SLC35E2B: variants seen among roughly 807,000 people sequenced by gnomAD.
The protein encoded by SLC35E2B is solute carrier family 35 member E2B, also known as solute carrier family 35, member E2B.
In SLC35E2B, 18 loss-of-function variants were observed where a neutral mutation model predicts 32.4. That is an observed-to-expected ratio of 0.56 (90% CI 0.38 to 0.82). The LOEUF (loss-of-function observed/expected upper bound fraction) is 0.82, where lower values mean the gene tolerates loss of function less well. SLC35E2B is among the 40% of genes least tolerant of loss of function. The probability of loss-of-function intolerance (pLI) is 0.00; values close to 1 mark genes in which losing one functional copy is unlikely to be tolerated. For missense variants in SLC35E2B, 263 were observed against 469.5 expected, an observed-to-expected ratio of 0.56 and a Z score of 4.06; for synonymous variants, 132 against 209.1, an observed-to-expected ratio of 0.63 and a Z score of 3.18.
intron 5 of SLC35E2B, among the ~76,000 whole-genome samples, chr1:1,674,902 A>AT (rs1449490389): frequency 1.3e-5 from 2 of 152,118 alleles, no homozygotes; most frequent in Non-Finnish European, 2.9e-5. Flanking sequence ...GCTGGTTTTC[A>AT]TGCAGCCACA....
chr1:1,670,107 T>A lies in SLC35E2B; in HGVS notation c.752A>T (p.Tyr251Phe). Residue 251 changes from tyrosine (Y) to phenylalanine (F), a missense_variant, in exon 7 of 10, where the codon TAC (tyrosine) becomes TTC (phenylalanine). Physicochemically the swap from Tyr to Phe is conservative, Grantham distance 22. Coordinates refer to ENST00000617444, the MANE Select transcript of SLC35E2B (RefSeq NM_001290264.2). ...GACGAATAATACTTACGAGAACCTGTATTTGTCCCCGCTGAGCAGCTTTTT... is the reference window on the plus strand; with the variant it reads ...GACGAATAATACTTACGAGAACCTGAATTTGTCCCCGCTGAGCAGCTTTTT... Reference protein sequence around the residue: ...FSKKLLSGDKYRFSAPELQFY... With the variant: ...FSKKLLSGDKFRFSAPELQFY... The A allele has an allele frequency of 6.4e-7, 1 of 1,551,546 alleles. No homozygotes were observed. The highest frequency in any genetic ancestry group is 1.2e-5 in the South Asian group (1 of 84,028).
chr1:1,673,277 T>C (rs540427924), intron 5 of SLC35E2B: 246 of 473,694 alleles, frequency 5.2e-4, no homozygotes, highest in African/African-American at 4.5e-3. Context: ...TCTTGCCTTC[T>C]TAGATTCTTC....
At chr1:1,686,311 C>CTTTTCTTTTCTT (rs1643949464) in intron 2 of SLC35E2B, among the ~76,000 whole-genome samples, 1 of 123,002 alleles carries the variant, frequency 8.1e-6, no homozygotes. Flanking sequence ...CCTCCCTTTT[C>CTTTTCTTTTCTT]TTTTTTTTTC....
At chr1:1,684,808 A>C (rs1419867653) in intron 2 of SLC35E2B, among the ~76,000 whole-genome samples, 6 of 146,186 alleles carry the variant, frequency 4.1e-5, no homozygotes, top group African/African-American at 1.0e-4. Context: ...AAAAAAAAAA[A>C]AAAAAACAGG....
At chr1:1,689,475 G>C (rs1460929349) in intron 2 of SLC35E2B, among the ~76,000 whole-genome samples, 4 of 151,552 alleles carry the variant, frequency 2.6e-5, no homozygotes, top group African/African-American at 7.3e-5. Flanking sequence ...ACACGGCTTT[G>C]CAGCAGCAGG....
At position 1,680,249 on chromosome 1, in the gene SLC35E2B, C is replaced by T. The variant is rs565346862; in HGVS notation, c.-147-3403G>A. The stretch of plus-strand genomic sequence containing the variant: ...AAGAGAGGTCAAGGCTGCAGTGAGC[C>T]GTGATTGTGCCACTGAACTCCAGCC... On this transcript the variant is annotated intron_variant, in intron 2 of 9. Transcript: ENST00000617444. Among the ~76,000 whole-genome samples, 717 of 151,872 alleles carry T rather than the reference C, an allele frequency of 4.7e-3. 9 individuals are homozygous for T. The highest frequency in any genetic ancestry group is 0.017 in the African/African-American group (692 of 41,338).
intron 2 of SLC35E2B, among the ~76,000 whole-genome samples, chr1:1,689,184 A>G (rs1643991227): frequency 6.6e-6 from 1 of 152,058 alleles, no homozygotes. Context: ...AAAAACAAAC[A>G]AACAGGTCTG....
chr1:1,671,148 C>T (rs4233029), intron 6 of SLC35E2B: 104,041 of 162,464 alleles, frequency 0.64, 33,992 homozygotes, highest in Admixed American at 0.72. Flanking sequence ...GGAGGCCGCG[C>T]AGCTCCCAAA....
chr1:1,690,196 C>G (rs1644001825), intron 2 of SLC35E2B, among the ~76,000 whole-genome samples: 1 of 148,550 alleles, frequency 6.7e-6, no homozygotes. Flanking sequence ...AGGAGAATCA[C>G]TTGAACACGG....
rs1028982381 is a variant in SLC35E2B, at chr1:1,663,287, C to A, written c.*2495G>T. 42 of 981,506 alleles carry A rather than the reference C, an allele frequency of 4.3e-5. 1 individual carries two copies. The highest frequency in any genetic ancestry group is 4.0e-4 in the African/African-American group (23 of 57,146). The allele number at this position is 981,506 out of a possible 1,614,324, so 60.8% of individuals were successfully genotyped here. On this transcript the variant is annotated 3_prime_UTR_variant, in exon 10 of 10. Transcript: ENST00000617444. ...AGGGTGGAGGGGAGGGCACCAGATG[C>A]TGTGCGGCTGGAAATTCCAAGGTGC... is the stretch of plus-strand genomic sequence containing the variant.
At chr1:1,688,512 A>T (rs1643979449) in intron 2 of SLC35E2B, among the ~76,000 whole-genome samples, 1 of 151,658 alleles carries the variant, frequency 6.6e-6, no homozygotes, top group African/African-American at 2.4e-5. Context: ...AGCCAGGAGA[A>T]TCGCTTGAAC....
rs772484685 is a variant in SLC35E2B, at chr1:1,669,766, C to T, written c.762-30G>A. 4.7e-5 allele frequency: 72 copies of T among 1,547,988 alleles called. 1 individual carries two copies. In the South Asian group the frequency reaches 5.5e-4, roughly 12 times the overall value. On this transcript the variant is annotated intron_variant, in intron 7 of 9. Transcript: ENST00000617444. ...GGGTGACAGAACACGCTGGGCCCCC[C>T]GTGTCGGGACAGGCCGAGTTCACAC...
chr1:1,680,857 T>C (rs1438980075), intron 2 of SLC35E2B, among the ~76,000 whole-genome samples: 3 of 151,536 alleles, frequency 2.0e-5, no homozygotes, highest in Admixed American at 6.6e-5. Flanking sequence ...GGCTGGAGTT[T>C]AGTGGCATAA....
At chr1:1,675,016 G>A (rs1165458913) in intron 5 of SLC35E2B, among the ~76,000 whole-genome samples, 3 of 151,892 alleles carry the variant, frequency 2.0e-5, no homozygotes, top group African/African-American at 7.3e-5. Flanking sequence ...CAGGGGCTGG[G>A]GCCCAGGACA....
At chr1:1,673,756 G>T (rs1324035756) in intron 5 of SLC35E2B, among the ~76,000 whole-genome samples, 1 of 152,058 alleles carries the variant, frequency 6.6e-6, no homozygotes, top group Non-Finnish European at 1.5e-5. Flanking sequence ...GAGGTCAGGA[G>T]ATCGAGACCA....
At chr1:1,671,348 G>T (rs4639697) in intron 6 of SLC35E2B, 161 bp downstream of exon 6, 791,329 of 797,650 alleles carry the variant, frequency 0.99, 392,546 homozygotes, top group East Asian at 1. Flanking sequence ...AAACTTACCT[G>T]CCGGGGATAC....
At chr1:1,678,143 C>T (rs540343791) in intron 2 of SLC35E2B, among the ~76,000 whole-genome samples, 33 of 152,294 alleles carry the variant, frequency 2.2e-4, no homozygotes, top group African/African-American at 4.1e-4. Flanking sequence ...TACCCCTCCT[C>T]GTCTCACTTC....
chr1:1,674,640 A>C lies in SLC35E2B; in HGVS notation c.586+823T>G, dbSNP rs549605888. On this transcript the variant is annotated intron_variant, in intron 5 of 9. Coordinates refer to ENST00000617444, the MANE Select transcript of SLC35E2B (RefSeq NM_001290264.2). ...TCAAAAACATAAAAAAAACAAAAAA[A>C]AAAAAACAAAAAAAAACCAGAGTTG... is the stretch of plus-strand genomic sequence containing the variant. Among the ~76,000 whole-genome samples the C allele has an allele frequency of 2.4e-4, 36 of 151,448 alleles. 1 individual carries two copies. Among genetic ancestry groups the C allele is most frequent in the African/African-American group, 8.2e-4 (34 of 41,388 alleles).
rs1335886720 is a variant in SLC35E2B at position 1,664,054 on chromosome 1, G to A, written c.*1728C>T. 36 of 310,128 alleles carry A rather than the reference G, an allele frequency of 1.2e-4. 2 individuals are homozygous for A. The highest frequency in any genetic ancestry group is 6.7e-4 in the African/African-American group (30 of 44,596). The allele number at this position is 310,128 out of a possible 1,614,324, so 19.2% of individuals were successfully genotyped here. On this transcript the variant is annotated 3_prime_UTR_variant, in exon 10 of 10. Coordinates refer to ENST00000617444, the MANE Select transcript of SLC35E2B (RefSeq NM_001290264.2). ...AAAAAATAGCCAGGCATGGTGGCACGTGCCTGTGGTTCCAGCCACATGGGA... is the reference window on the plus strand; with the variant it reads ...AAAAAATAGCCAGGCATGGTGGCACATGCCTGTGGTTCCAGCCACATGGGA...
Sources: gnomAD v4.1 joint callset for allele counts (sites outside exome capture counted in the v4.1 genomes callset) on GRCh38, gnomAD v4.1.1 for gene constraint, MANE v1.5 for transcripts, NCBI Gene and HGNC (gene_info 2026-07-23, HGNC 2026-07-21) for gene names.